CSK: variants seen among roughly 807,000 people sequenced by gnomAD.
CSK encodes C-terminal Src kinase, also known as tyrosine-protein kinase CSK.
A neutral mutation model predicts 62.3 loss-of-function variants in CSK; 7 were observed. That is an observed-to-expected ratio of 0.11 (90% confidence interval 0.06 to 0.21). The LOEUF (loss-of-function observed/expected upper bound fraction) is 0.21, where lower values mean the gene tolerates loss of function less well. Among genes scored for constraint, CSK ranks in the 10% least tolerant of loss-of-function variants. The pLI is 1.00. For missense variants in CSK, 294 were observed against 613.5 expected (o/e 0.48, Z 5.50); for synonymous variants, 237 against 246.0 (o/e 0.96, Z 0.34).
chr15:74,788,146 TTTG>T (rs2063553437), intron 1 of CSK, among the ~76,000 whole-genome samples: 1 of 152,208 alleles, frequency 6.6e-6, no homozygotes, highest in Non-Finnish European at 1.5e-5. Context: ...GAGGTCCTTG[TTTG>T]AAGCTTCTGC....
Position 74,789,410 on chromosome 15 carries a change from C to T in CSK, c.-66+6690C>T, listed in dbSNP as rs117651883. 7.2e-4 allele frequency among the ~76,000 whole-genome samples: 110 copies of T among 152,332 alleles called. No individual in the cohort carries two copies. The Middle Eastern group carries it at 0.014, about 19-fold the overall frequency. ...GGGGTCAGTGGAAGCCCTCGGGCAC[C>T]CTTCCTTGCCTGATGTGTGGTGGGG... On this transcript the variant is annotated intron_variant, in intron 1 of 12. Coordinates refer to ENST00000220003, the MANE Select transcript of CSK (RefSeq NM_004383.3).
chr15:74,794,469 C>T (rs1259747909), intron 1 of CSK, among the ~76,000 whole-genome samples: 1 of 152,160 alleles, frequency 6.6e-6, no homozygotes, highest in East Asian at 1.9e-4. Context: ...AGGCAGGTTT[C>T]AGGCTCATCC....
intron 1 of CSK, among the ~76,000 whole-genome samples, chr15:74,786,088 C>T (rs997678247): frequency 2.1e-5 from 3 of 145,618 alleles, no homozygotes; most frequent in South Asian, 2.2e-4. Flanking sequence ...TGCAATGGCG[C>T]GATCTTGGCT....
intron 1 of CSK, among the ~76,000 whole-genome samples, chr15:74,788,339 G>T (rs879204532): frequency 3.3e-5 from 5 of 152,160 alleles, no homozygotes; most frequent in Non-Finnish European, 7.3e-5. Context: ...CATTTTCAGG[G>T]TGTCGTCTGT....
chr15:74,801,978 T>G lies in CSK; in HGVS notation c.1084-19T>G, dbSNP rs771907806. 2 of 1,613,338 alleles carry G rather than the reference T, an allele frequency of 1.2e-6. No individual in the cohort carries two copies. The highest frequency in any genetic ancestry group is 2.2e-5 in the East Asian group (1 of 44,886). On this transcript the variant is annotated intron_variant, in intron 11 of 12. Transcript: ENST00000220003. ...TGGAGTCCCAGGATCTGACGCTGCT[T>G]CTTCCATCCACATGGCAGAAATTCT...
chr15:74,787,500 G>A (rs762559211), intron 1 of CSK, among the ~76,000 whole-genome samples: 6 of 152,144 alleles, frequency 3.9e-5, no homozygotes, highest in African/African-American at 9.7e-5. Context: ...TTTGTCAAGC[G>A]ACTATTTGAG....
intron 1 of CSK, among the ~76,000 whole-genome samples, chr15:74,790,616 C>T (rs768296899): frequency 7.9e-5 from 12 of 152,242 alleles, no homozygotes; most frequent in Admixed American, 6.5e-4. Context: ...CCTAGCCCTG[C>T]GGGAATGGGG....
chr15:74,796,510 G>A (rs2063707672), intron 1 of CSK, among the ~76,000 whole-genome samples: 1 of 151,510 alleles, frequency 6.6e-6, no homozygotes, highest in African/African-American at 2.4e-5. Flanking sequence ...AGGAGGATTG[G>A]CTGAACCCAG....
intron 1 of CSK, among the ~76,000 whole-genome samples, chr15:74,794,533 G>A (rs535260265): frequency 1.4e-4 from 21 of 152,274 alleles, no homozygotes; most frequent in African/African-American, 4.8e-4. Flanking sequence ...CCTGGCCTCT[G>A]GGGATAGAAA....
chr15:74,800,314 CG>C, intron 5 of CSK, 97 bp from the exon 6 acceptor site: 1 of 1,024,850 alleles, frequency 9.8e-7, no homozygotes, highest in Non-Finnish European at 1.5e-6. Flanking sequence ...CCAGGCTAGG[CG>C]GGGCTGGCCT....
In CSK at chr15:74,798,558, A is replaced by G; in HGVS notation, c.16-57A>G. 1 of 1,503,076 alleles carries G rather than the reference A, an allele frequency of 6.7e-7. No homozygotes were observed. The highest frequency in any genetic ancestry group is 1.7e-5 in the Admixed American group (1 of 58,076). The allele number at this position is 1,503,076 out of a possible 1,614,324, so 93.1% of individuals were successfully genotyped here. A position where few individuals can be genotyped will look rare whatever the true frequency, so the allele number is the denominator to read the frequency against. ...GAGGCTGTGACCACGAGGGTGCGCC[A>G]GCAGGTGGCTGGAGGGGGCCCAGGC... On this transcript the variant is annotated intron_variant, in intron 2 of 12. Coordinates refer to ENST00000220003, the MANE Select transcript of CSK (RefSeq NM_004383.3). This position sits in a 1 kb window ranked among gnomAD's most constrained non-coding sequence, Gnocchi z 6.6.
In CSK at chr15:74,798,412, C is replaced by G; in HGVS notation, c.15+100C>G. The G allele has an allele frequency of 6.8e-7, 1 of 1,470,654 alleles. No homozygotes were observed. Among genetic ancestry groups the G allele is most frequent in the East Asian group, 2.4e-5 (1 of 40,928 alleles). The allele number at this position is 1,470,654 out of a possible 1,614,324, so 91.1% of individuals were successfully genotyped here. A position where few individuals can be genotyped will look rare whatever the true frequency, so the allele number is the denominator to read the frequency against. On this transcript the variant is annotated intron_variant, in intron 2 of 12. Coordinates refer to ENST00000220003, the MANE Select transcript of CSK (RefSeq NM_004383.3). This position sits in a 1 kb window ranked among gnomAD's most constrained non-coding sequence, Gnocchi z 6.6. ...GGATGCAGCTTAGATCAACCCACTC[C>G]CCTTTTTCCCAGCACTCAGTCAGGT...
Position 74,802,499 on chromosome 15 carries a change from G to GAGCT in CSK, c.1340_1343dup (p.His449AlafsTer36). On this transcript the variant is annotated frameshift_variant, in exon 13 of 13. Coordinates refer to ENST00000220003, the MANE Select transcript of CSK (RefSeq NM_004383.3). LOFTEE classifies it high-confidence loss of function. ...GCAGCTTGAGCACATCAAAACCCAC[G>GAGCT]AGCTGCACCTGTGACGGCTGGCCTC... The GAGCT allele has an allele frequency of 6.2e-7, 1 of 1,611,534 alleles. No homozygotes were observed. Among genetic ancestry groups the GAGCT allele is most frequent in the Non-Finnish European group, 8.5e-7 (1 of 1,179,400 alleles).
rs1046420383 is a variant in CSK at position 74,782,755 on chromosome 15, G to C, written c.-66+35G>C. 3 of 152,484 alleles carry C rather than the reference G, an allele frequency of 2.0e-5. No homozygotes were observed. The highest frequency in any genetic ancestry group is 7.2e-5 in the African/African-American group (3 of 41,468). The allele number at this position is 152,484 out of a possible 1,614,324, so 9.4% of individuals were successfully genotyped here. A position where few individuals can be genotyped will look rare whatever the true frequency, so the allele number is the denominator to read the frequency against. Reference sequence around the variant, plus strand: ...TGGCCGTCCCGGAGTGTCCCCTGGAGGGAAGAGGGTGGAGGTCGCGCGTCT... The same window carrying C: ...TGGCCGTCCCGGAGTGTCCCCTGGACGGAAGAGGGTGGAGGTCGCGCGTCT... On this transcript the variant is annotated intron_variant, in intron 1 of 12. Transcript: ENST00000220003. The surrounding 1 kb of genome is among the most constrained non-coding windows in gnomAD (Gnocchi z 5.7).
At position 74,798,384 on chromosome 15, in the gene CSK, A is replaced by G; in HGVS notation, c.15+72A>G. ...CCCAGCGGGGTGCTTAGCAGAGGAG[A>G]GAGGATGCAGCTTAGATCAACCCAC... On this transcript the variant is annotated intron_variant, in intron 2 of 12. Transcript: ENST00000220003. The surrounding 1 kb of genome is among the most constrained non-coding windows in gnomAD (Gnocchi z 6.6). 1 of 1,563,164 alleles carries G rather than the reference A, an allele frequency of 6.4e-7. No homozygotes were observed. The highest frequency in any genetic ancestry group is 8.7e-7 in the Non-Finnish European group (1 of 1,147,048).
chr15:74,798,619 C>T lies in CSK; in HGVS notation c.20C>T (p.Ala7Val), dbSNP rs749997068. Reference sequence around the variant, plus strand: ...CACGTGTCACCTGCCTTGCAGGCCGCCTGGCCATCCGGTACAGAATGTATT... The same window carrying T: ...CACGTGTCACCTGCCTTGCAGGCCGTCTGGCCATCCGGTACAGAATGTATT... MSAIQA[A>V]WPSGTECIAK... The change falls in exon 3 of 13, where the codon GCC (alanine) becomes GTC (valine). Residue 7 changes from alanine (A) to valine (V), a missense_variant. Physicochemically the swap from Ala to Val is moderately conservative, Grantham distance 64 (BLOSUM62 0). Around this residue, in one of 3 missense-constraint regions of CSK, gnomAD observed 202 missense variants for 415.7 expected, o/e 0.49. Transcript: ENST00000220003. The surrounding 1 kb of genome is among the most constrained non-coding windows in gnomAD (Gnocchi z 6.6). The T allele has an allele frequency of 1.2e-6, 2 of 1,613,128 alleles. No homozygotes were observed. The highest frequency in any genetic ancestry group is 8.5e-7 in the Non-Finnish European group (1 of 1,179,932).
intron 9 of CSK, 28 bp downstream of exon 9, chr15:74,801,130 A>G: frequency 6.2e-7 from 1 of 1,612,130 alleles, no homozygotes; most frequent in South Asian, 1.1e-5. Context: ...CCCGGCACTC[A>G]GGCCTTCCAA....
chr15:74,786,152 G>A (rs890495865), intron 1 of CSK, among the ~76,000 whole-genome samples: 1 of 151,668 alleles, frequency 6.6e-6, no homozygotes, highest in African/African-American at 2.4e-5. Context: ...AGCCTTCCAA[G>A]TTGGGATTAG....
chr15:74,801,069 C>T lies in CSK; in HGVS notation c.780C>T (p.Gly260=), dbSNP rs930375989. The change falls in exon 9 of 13, where the codon GGC becomes GGT. Residue 260 remains glycine (G), a synonymous_variant. Coordinates refer to ENST00000220003, the MANE Select transcript of CSK (RefSeq NM_004383.3). ...QLLGVIVEEK[G]GLYIVTEYMA... is the part of the protein sequence containing the mutation. ...TGGGCGTGATCGTGGAGGAGAAGGG[C>T]GGGCTCTACATCGTCACTGAGTACA... 23 of 1,613,190 alleles carry T rather than the reference C, an allele frequency of 1.4e-5. No individual in the cohort carries two copies. Among genetic ancestry groups the T allele is most frequent in the Admixed American group, 3.3e-5 (2 of 60,000 alleles).
Sources: gnomAD v4.1 joint callset for allele counts (sites outside exome capture counted in the v4.1 genomes callset) on GRCh38, gnomAD v4.1.1 for gene constraint, gnomAD v4.1.1 regional missense constraint, Gnocchi (gnomAD v3.1) non-coding constraint, MANE v1.5 for transcripts, NCBI Gene and HGNC (gene_info 2026-07-23, HGNC 2026-07-21) for gene names.